The following XYLB variants were observed in gnomAD, a reference collection of about 807,000 sequenced individuals.
The protein encoded by XYLB is xylulokinase, also known as xylulose kinase.
XYLB carries 62 observed loss-of-function variants against 78.7 expected under a neutral mutation model. The observed-to-expected ratio is 0.79, with a 90% confidence interval of 0.64 to 0.97. The LOEUF (loss-of-function observed/expected upper bound fraction) is 0.97. Ranked by LOEUF, XYLB falls within the 50% of genes least tolerant of loss-of-function variation. The probability of loss-of-function intolerance (pLI) is 0.00; values close to 1 mark genes in which losing one functional copy is unlikely to be tolerated. For synonymous variants in XYLB, 245 were observed against 247.4 expected, an observed-to-expected ratio of 0.99 and a Z score of 0.09; for missense variants, 687 against 676.8, an observed-to-expected ratio of 1.02 and a Z score of -0.17.
intron 1 of XYLB, among the ~76,000 whole-genome samples, chr3:38,347,622 GC>G (rs1559565409): frequency 6.6e-6 from 1 of 152,094 alleles, no homozygotes. Flanking sequence ...ATTGCAGTGA[GC>G]TAAGATGGCG....
At chr3:38,363,578 C>G (rs1356970515) in intron 4 of XYLB, among the ~76,000 whole-genome samples, 1 of 152,144 alleles carries the variant, frequency 6.6e-6, no homozygotes, top group Non-Finnish European at 1.5e-5. Context: ...TGGGTTTGAT[C>G]CCTGGCTCTG....
intron 2 of XYLB, 106 bp from the exon 3 acceptor site, chr3:38,360,233 C>T: frequency 9.2e-7 from 1 of 1,081,336 alleles, no homozygotes; most frequent in East Asian, 2.4e-5. Context: ...GGAAGGTTCT[C>T]CTTCATCTGG....
chr3:38,417,453 A>G (rs533451716), downstream of XYLB, among the ~76,000 whole-genome samples: 835 of 152,314 alleles, frequency 5.5e-3, 8 homozygotes, highest in African/African-American at 0.019. Context: ...GTAGACTCCA[A>G]TCAGACACAT....
At chr3:38,416,369 G>T, downstream of XYLB, among the ~76,000 whole-genome samples, 1 of 152,200 alleles carries the variant, frequency 6.6e-6, no homozygotes, top group East Asian at 1.9e-4. Flanking sequence ...AGAATACATA[G>T]TATAATTACT....
the XYLB span, among the ~76,000 whole-genome samples, chr3:38,447,121 T>C: frequency 2.6e-5 from 4 of 152,210 alleles, no homozygotes; most frequent in East Asian, 7.7e-4. Context: ...AGGACATGCA[T>C]AGACATTTTG....
chr3:38,373,891 C>T (rs1016828078), intron 10 of XYLB, among the ~76,000 whole-genome samples: 3 of 152,110 alleles, frequency 2.0e-5, no homozygotes, highest in Admixed American at 1.3e-4. Context: ...TGGTAGTGTG[C>T]ACCTGTAGTC....
At chr3:38,431,728 T>C in the XYLB span, among the ~76,000 whole-genome samples, 1 of 152,154 alleles carries the variant, frequency 6.6e-6, no homozygotes, top group African/African-American at 2.4e-5. Flanking sequence ...ATGTTTCCCC[T>C]AAGGCTGGGG....
At chr3:38,421,919 C>T (rs183108313), downstream of XYLB, among the ~76,000 whole-genome samples, 4 of 152,216 alleles carry the variant, frequency 2.6e-5, no homozygotes, top group East Asian at 1.9e-4. Context: ...CTCGAGCAAC[C>T]GCTGTCAGTT....
chr3:38,406,051 T>G (rs1346823825), intron 18 of XYLB, among the ~76,000 whole-genome samples: 2 of 152,200 alleles, frequency 1.3e-5, no homozygotes, highest in East Asian at 3.9e-4. Context: ...CCAGCACACC[T>G]CTGGAGATCT....
At position 38,398,916 on chromosome 3, in the gene XYLB, C is replaced by T. The variant is rs192257706; in HGVS notation, c.1438+1757C>T. 7.8e-3 allele frequency among the ~76,000 whole-genome samples: 1,191 copies of T among 151,766 alleles called. 7 individuals carry two copies. Among genetic ancestry groups the T allele is most frequent in the Non-Finnish European group, 0.013 (882 of 67,870 alleles). On this transcript the variant is annotated intron_variant, in intron 17 of 18. Coordinates refer to ENST00000207870, the MANE Select transcript of XYLB (RefSeq NM_005108.4). ...GCATGGTGGCGCACGCCTGTAGTCC[C>T]AGCTACTCGGGAGGCTGAGGCAGGG...
At chr3:38,362,781 G>GTT (rs1278982368) in intron 3 of XYLB, among the ~76,000 whole-genome samples, 156 bp from the exon 4 acceptor site, 2 of 152,138 alleles carry the variant, frequency 1.3e-5, no homozygotes, top group Non-Finnish European at 2.9e-5. Context: ...TTTAATTAAT[G>GTT]TACTCTAGTG....
At chr3:38,376,008 G>A (rs1706834854) in intron 12 of XYLB, 109 bp from the exon 13 acceptor site, 6 of 764,186 alleles carry the variant, frequency 7.9e-6, no homozygotes, top group South Asian at 4.5e-5. Flanking sequence ...ACTAGGGGTC[G>A]TGGTCCAGCC....
At chr3:38,416,815 A>G (rs1708810903), downstream of XYLB, among the ~76,000 whole-genome samples, 1 of 152,206 alleles carries the variant, frequency 6.6e-6, no homozygotes, top group Non-Finnish European at 1.5e-5. Flanking sequence ...TGGTTTGTCA[A>G]CTTTAAGTGA....
chr3:38,413,115 C>A lies in XYLB; in HGVS notation c.*102C>A. On this transcript the variant is annotated 3_prime_UTR_variant, in exon 19 of 19. Coordinates refer to ENST00000207870, the MANE Select transcript of XYLB (RefSeq NM_005108.4). ...CACTTCTCTGTTCTGAACAGCTCTT[C>A]CTGCCCCTACTGACTCCTTGGAGTG... 8.5e-7 allele frequency: 1 copy of A among 1,176,718 alleles called. No homozygotes were observed. 72.9% of individuals were successfully genotyped at this position (1,176,718 alleles called of 1,614,324 possible).
At chr3:38,397,021 G>A (rs765923269) in intron 16 of XYLB, 51 bp from the exon 17 acceptor site, 3 of 1,580,548 alleles carry the variant, frequency 1.9e-6, no homozygotes, top group Non-Finnish European at 2.6e-6. Flanking sequence ...CAATGTCTGT[G>A]TTCCCTCTGA....
At chr3:38,395,378 C>G (rs1707826031) in intron 15 of XYLB, 127 bp from the exon 16 acceptor site, 2 of 805,400 alleles carry the variant, frequency 2.5e-6, no homozygotes, top group Admixed American at 4.1e-5. Context: ...CTCCCGTAGT[C>G]CTGTGTGATA....
At chr3:38,349,984 T>TC (rs1485524883) in intron 2 of XYLB, among the ~76,000 whole-genome samples, 1 of 152,150 alleles carries the variant, frequency 6.6e-6, no homozygotes, top group Non-Finnish European at 1.5e-5. Flanking sequence ...ATAATCACAA[T>TC]CCAAGGCCCT....
At chr3:38,356,705 G>GT (rs1705679065) in intron 2 of XYLB, 1 of 152,226 alleles carries the variant, frequency 6.6e-6, no homozygotes, top group Admixed American at 6.5e-5. Context: ...TTGTGGTTCA[G>GT]TAATATTCCA....
chr3:38,375,581 A>G (rs1460453234), intron 12 of XYLB, among the ~76,000 whole-genome samples: 3 of 152,148 alleles, frequency 2.0e-5, no homozygotes, highest in Admixed American at 2.0e-4. Context: ...GGGGAGGGTA[A>G]GAGCATTTAC....
Sources: allele counts gnomAD v4.1 joint callset (sites outside exome capture counted in the v4.1 genomes callset), GRCh38; gene constraint gnomAD v4.1.1; transcripts MANE v1.5; gene names NCBI Gene and HGNC (gene_info 2026-07-23, HGNC 2026-07-21).